The following LINS1 variants were observed in gnomAD, a reference collection of about 807,000 sequenced individuals.
LINS1 encodes the protein protein Lines homolog 1.
LINS1 carries 27 observed loss-of-function variants against 41.6 expected under a neutral mutation model. That is an observed-to-expected ratio of 0.65 (90% CI 0.48 to 0.89). The LOEUF (loss-of-function observed/expected upper bound fraction) is 0.89, where lower values mean the gene tolerates loss of function less well. Ranked by LOEUF, LINS1 falls within the 40% of genes least tolerant of loss-of-function variation. LINS1 has a pLI of 0.00. For synonymous variants in LINS1, 336 were observed against 312.9 expected (o/e 1.07, Z -0.78); for missense variants, 955 against 884.1 (o/e 1.08, Z -1.02).
chr15:100,569,545 G>T lies in LINS1; in HGVS notation c.1967C>A (p.Ala656Glu). The T allele has an allele frequency of 6.2e-7, 1 of 1,614,182 alleles. No individual in the cohort carries two copies. Among genetic ancestry groups the T allele is most frequent in the Non-Finnish European group, 8.5e-7 (1 of 1,180,026 alleles). The stretch of plus-strand genomic sequence containing the variant: ...AGCTGCATCCTGAATCTCCTTAGTT[G>T]CTTGCTGGTGTAAAGATGTCTGTTT... Reference protein sequence around the residue: ...NSKQTSLHQQATKEIQDAAGT... With the variant: ...NSKQTSLHQQETKEIQDAAGT... The change falls in exon 7 of 7, where the codon GCA becomes GAA. Residue 656 changes from alanine to glutamate, a missense_variant. Physicochemically the swap from Ala to Glu is moderately radical, Grantham distance 107. Transcript: ENST00000314742.
chr15:100,569,421 T>C lies in LINS1; in HGVS notation c.2091A>G (p.Val697=). Residue 697 remains valine, a synonymous_variant, in exon 7 of 7, where the codon GTA becomes GTG. Coordinates refer to ENST00000314742, the MANE Select transcript of LINS1 (RefSeq NM_001040616.3). ...CTTCAGAGACGACATCATTTGGGGC[T>C]ACTTCACAATCAAAGGAGAAGGCAG... ...FDTAFSFDCE[V]APNDVVSEVG... The C allele has an allele frequency of 5.0e-6, 8 of 1,614,208 alleles. No individual in the cohort carries two copies. The highest frequency in any genetic ancestry group is 6.8e-6 in the Non-Finnish European group (8 of 1,180,032).
At chr15:100,572,496 T>C in intron 5 of LINS1, 1 of 1,066,392 alleles carries the variant, frequency 9.4e-7, no homozygotes, top group Non-Finnish European at 1.1e-6. Flanking sequence ...TTTGTTTGTT[T>C]AAAGCATAGA....
At position 100,569,876 on chromosome 15, in the gene LINS1, C is replaced by T; in HGVS notation, c.1636G>A (p.Asp546Asn). 1 of 1,613,748 alleles carries T rather than the reference C, an allele frequency of 6.2e-7. No individual in the cohort carries two copies. The highest frequency in any genetic ancestry group is 8.5e-7 in the Non-Finnish European group (1 of 1,179,728). Residue 546 changes from aspartate to asparagine, a missense_variant, in exon 7 of 7, where the codon GAT becomes AAT. Physicochemically the swap from Asp to Asn is conservative, Grantham distance 23 (BLOSUM62 1). Transcript: ENST00000314742. ...DNFFTICNNFDATESKYDISI... is the reference protein window; with the variant it reads ...DNFFTICNNFNATESKYDISI... Reference sequence around the variant, plus strand: ...ATGTCATATTTAGATTCAGTTGCATCAAAGTTATTGCAAATGGTGAAAAAA... The same window carrying T: ...ATGTCATATTTAGATTCAGTTGCATTAAAGTTATTGCAAATGGTGAAAAAA...
chr15:100,585,479 C>T (rs1414960049), intron 1 of LINS1, among the ~76,000 whole-genome samples: 2 of 152,214 alleles, frequency 1.3e-5, no homozygotes, highest in African/African-American at 2.4e-5. Context: ...ACTGTTTGGA[C>T]CCAGTGTCCT....
At chr15:100,581,013 T>G (rs1052594722) in intron 1 of LINS1, 68 bp from the exon 2 acceptor site, 6 of 590,942 alleles carry the variant, frequency 1.0e-5, no homozygotes, top group African/African-American at 9.3e-5. Context: ...AGCAACTGTT[T>G]CCACTTAATC....
Position 100,569,616 on chromosome 15 carries a change from A to G in LINS1, c.1896T>C (p.Ser632=). 1 of 1,613,306 alleles carries G rather than the reference A, an allele frequency of 6.2e-7. No homozygotes were observed. Among genetic ancestry groups the G allele is most frequent in the Non-Finnish European group, 8.5e-7 (1 of 1,179,350 alleles). Reference sequence around the variant, plus strand: ...CTGTGGATTCCACGTCAGAATCGTCAGAGCTGTCGTAATCTACCAGACTTT... The same window carrying G: ...CTGTGGATTCCACGTCAGAATCGTCGGAGCTGTCGTAATCTACCAGACTTT... The part of the protein sequence containing the change: ...ASQSLVDYDS[S]DDSDVESTEQ... The change falls in exon 7 of 7, where the codon TCT becomes TCC. Residue 632 remains serine, a synonymous_variant. Transcript: ENST00000314742.
chr15:100,573,504 T>G lies in LINS1; in HGVS notation c.1222+147A>C, dbSNP rs1000797709. 7 of 784,432 alleles carry G rather than the reference T, an allele frequency of 8.9e-6. No individual in the cohort carries two copies. The African/African-American group carries it at 1.1e-4, about 12-fold the overall frequency. The allele number at this position is 784,432 out of a possible 1,614,324, so 48.6% of individuals were successfully genotyped here. A position where few individuals can be genotyped will look rare whatever the true frequency, so the allele number is the denominator to read the frequency against. Reference sequence around the variant, plus strand: ...AAAGGTAAATCCAGTTCTTTTTTTTTTTTTTGAAAATGTAATAAGTTACAA... The same window carrying G: ...AAAGGTAAATCCAGTTCTTTTTTTTGTTTTTGAAAATGTAATAAGTTACAA... On this transcript the variant is annotated intron_variant, in intron 5 of 6. Transcript: ENST00000314742.
intron 1 of LINS1, among the ~76,000 whole-genome samples, chr15:100,600,250 G>T (rs1442124190): frequency 6.6e-6 from 1 of 152,136 alleles, no homozygotes; most frequent in African/African-American, 2.4e-5. Flanking sequence ...TCATTTCAAA[G>T]TTAAACTTTC....
chr15:100,592,573 T>C (rs1024699598), intron 1 of LINS1, among the ~76,000 whole-genome samples: 4 of 148,980 alleles, frequency 2.7e-5, no homozygotes, highest in South Asian at 4.3e-4. Flanking sequence ...CTGGGGTGTG[T>C]GAAAAGTGTT....
intron 1 of LINS1, among the ~76,000 whole-genome samples, chr15:100,596,165 G>A (rs2039235971): frequency 1.3e-5 from 2 of 152,122 alleles, no homozygotes; most frequent in South Asian, 2.1e-4. Context: ...GGGCTAAAGG[G>A]GGTGCTGGCG....
rs2037690370 is a variant in LINS1, at chr15:100,569,555, G to A, written c.1957C>T (p.His653Tyr). The A allele has an allele frequency of 1.2e-6, 2 of 1,614,180 alleles. No homozygotes were observed. Among genetic ancestry groups the A allele is most frequent in the Non-Finnish European group, 1.7e-6 (2 of 1,180,014 alleles). ...TGAATCTCCTTAGTTGCTTGCTGGT[G>A]TAAAGATGTCTGTTTACTGTTAGCT... is the stretch of plus-strand genomic sequence containing the variant. ...CLANSKQTSLHQQATKEIQDA... is the reference protein window; with the variant it reads ...CLANSKQTSLYQQATKEIQDA... The change falls in exon 7 of 7, where the codon CAC (histidine) becomes TAC (tyrosine). Residue 653 changes from histidine to tyrosine, a missense_variant. By Grantham distance (83) the His-to-Tyr change is moderately conservative. Coordinates refer to ENST00000314742, the MANE Select transcript of LINS1 (RefSeq NM_001040616.3).
Position 100,567,818 on chromosome 15 carries a change from T to G in LINS1, c.*1420A>C, listed in dbSNP as rs576800044. On this transcript the variant is annotated 3_prime_UTR_variant, in exon 7 of 7. Coordinates refer to ENST00000314742, the MANE Select transcript of LINS1 (RefSeq NM_001040616.3). Reference sequence around the variant, plus strand: ...ATTGCTATTTGGCTAACACTGGTACTTCGCTGTTATTTTAATCGGCAACCT... The same window carrying G: ...ATTGCTATTTGGCTAACACTGGTACGTCGCTGTTATTTTAATCGGCAACCT... The G allele has an allele frequency of 6.6e-6, 1 of 152,364 alleles. No homozygotes were observed. The highest frequency in any genetic ancestry group is 1.9e-4 in the East Asian group (1 of 5,192). The allele number at this position is 152,364 out of a possible 1,614,324, so 9.4% of individuals were successfully genotyped here. A position where few individuals can be genotyped will look rare whatever the true frequency, so the allele number is the denominator to read the frequency against.
At position 100,582,307 on chromosome 15, in the gene LINS1, G is replaced by A. The variant is rs1031563757; in HGVS notation, c.-103-1362C>T. ...CACTGGGTCTTCCGTCTACACTATG[G>A]CCCACTAGCCTAGTCTTGGTCTTAT... is the stretch of plus-strand genomic sequence containing the variant. On this transcript the variant is annotated intron_variant, in intron 1 of 6. Coordinates refer to ENST00000314742, the MANE Select transcript of LINS1 (RefSeq NM_001040616.3). 2.8e-5 allele frequency among the ~76,000 whole-genome samples: 4 copies of A among 144,582 alleles called. 1 individual carries two copies. Among genetic ancestry groups the A allele is most frequent in the Non-Finnish European group, 6.0e-5 (4 of 66,336 alleles). The allele number at this position is 144,582 out of a possible 152,430, so 94.9% of individuals were successfully genotyped here. A position where few individuals can be genotyped will look rare whatever the true frequency, so the allele number is the denominator to read the frequency against.
At chr15:100,570,247 G>T in intron 6 of LINS1, 130 bp from the exon 7 acceptor site, 1 of 736,114 alleles carries the variant, frequency 1.4e-6, no homozygotes, top group South Asian at 2.5e-5. Flanking sequence ...CTTCTTAAAA[G>T]AAAAAATTTC....
At position 100,567,101 on chromosome 15, in the gene LINS1, C is replaced by T. The variant is rs960770003; in HGVS notation, c.*2137G>A. 1 of 152,158 alleles carries T rather than the reference C, an allele frequency of 6.6e-6. No individual in the cohort carries two copies. The allele number at this position is 152,158 out of a possible 1,614,324, so 9.4% of individuals were successfully genotyped here. A position where few individuals can be genotyped will look rare whatever the true frequency, so the allele number is the denominator to read the frequency against. On this transcript the variant is annotated 3_prime_UTR_variant, in exon 7 of 7. Coordinates refer to ENST00000314742, the MANE Select transcript of LINS1 (RefSeq NM_001040616.3). Reference sequence around the variant, plus strand: ...ATGTCACAGAGTATACTCAACAAACCTAGATGGCATAGCCTACTACACACC... The same window carrying T: ...ATGTCACAGAGTATACTCAACAAACTTAGATGGCATAGCCTACTACACACC...
chr15:100,586,867 T>C (rs2038822674), intron 1 of LINS1, among the ~76,000 whole-genome samples: 1 of 152,014 alleles, frequency 6.6e-6, no homozygotes, highest in Non-Finnish European at 1.5e-5. Context: ...AAGTAAGTAT[T>C]GTAAAGAAAT....
chr15:100,573,532 A>G, intron 5 of LINS1, 119 bp downstream of exon 5: 1 of 757,240 alleles, frequency 1.3e-6, no homozygotes, highest in Non-Finnish European at 2.1e-6. Context: ...AGTTACAAAT[A>G]GGATAACATA....
rs1006010406 is a variant in LINS1, at chr15:100,573,920, C to A, written c.953G>T (p.Gly318Val). Residue 318 changes from glycine to valine, a missense_variant, in exon 5 of 7, where the codon GGA becomes GTA. Physicochemically the swap from Gly to Val is moderately radical, Grantham distance 109. Transcript: ENST00000314742. ...TGGCGGCATTAAGGCAGGCACAGAT[C>A]CACGACAGAGGTCTTCACCCACTTT... is the stretch of plus-strand genomic sequence containing the variant. ...LCKVGEDLCR[G>V]SVPALMPPDH... is the part of the protein sequence containing the mutation. The A allele has an allele frequency of 1.9e-6, 3 of 1,614,244 alleles. No individual in the cohort carries two copies. Among genetic ancestry groups the A allele is most frequent in the African/African-American group, 1.3e-5 (1 of 75,076 alleles).
chr15:100,601,106 C>G (rs2039471697), intron 1 of LINS1, among the ~76,000 whole-genome samples: 1 of 152,206 alleles, frequency 6.6e-6, no homozygotes, highest in South Asian at 2.1e-4. Context: ...TGGCAAAATT[C>G]TCTCCCTAGA....
Sources: allele counts gnomAD v4.1 joint callset (sites outside exome capture counted in the v4.1 genomes callset), GRCh38; gene constraint gnomAD v4.1.1; transcripts MANE v1.5; gene names NCBI Gene and HGNC (gene_info 2026-07-23, HGNC 2026-07-21).